WDR36: variants seen among roughly 807,000 people sequenced by gnomAD.
The protein encoded by WDR36 is WD repeat domain 36, also known as WD repeat-containing protein 36.
WDR36 carries 63 observed loss-of-function variants against 112.7 expected under a neutral mutation model. The observed-to-expected ratio is 0.56, with a 90% CI of 0.46 to 0.69. WDR36 has a LOEUF of 0.69. WDR36 is among the 30% of genes least tolerant of loss of function. The pLI, the probability that WDR36 is intolerant of heterozygous loss-of-function variation, is 0.00. For missense variants in WDR36, 1,226 were observed against 1,070.3 expected, an observed-to-expected ratio of 1.15 and a Z score of -2.03; for synonymous variants, 410 against 362.2, an observed-to-expected ratio of 1.13 and a Z score of -1.50.
chr5:111,123,996 A>G, intron 20 of WDR36, 72 bp downstream of exon 20: 1 of 1,608,036 alleles, frequency 6.2e-7, no homozygotes, highest in Non-Finnish European at 8.5e-7. Flanking sequence ...TTCTTTACCA[A>G]GACCTAGTTT....
intron 4 of WDR36, among the ~76,000 whole-genome samples, chr5:111,099,460 T>TG (rs1561701839): frequency 2.8e-5 from 2 of 71,044 alleles, no homozygotes; most frequent in African/African-American, 1.2e-4. Context: ...TGTTTTTTTT[T>TG]TTGTTTTTTT....
rs2112596348 is a variant in WDR36, at chr5:111,128,289, T to G, written c.*1406T>G. ...AAAGAAGCAGTCCTCAAAAGGCATTTACCAGTGATATCTTTTAATATTCAT... is the reference window on the plus strand; with the variant it reads ...AAAGAAGCAGTCCTCAAAAGGCATTGACCAGTGATATCTTTTAATATTCAT... On this transcript the variant is annotated 3_prime_UTR_variant, in exon 23 of 23. Transcript: ENST00000513710. 1 of 187,050 alleles carries G rather than the reference T, an allele frequency of 5.3e-6. No individual in the cohort carries two copies. Among genetic ancestry groups the G allele is most frequent in the East Asian group, 8.5e-5 (1 of 11,788 alleles). 11.6% of individuals were successfully genotyped at this position (187,050 alleles called of 1,614,324 possible).
rs184163934 is a variant in WDR36 at position 111,113,358 on chromosome 5, A to G, written c.1796+205A>G. Among the ~76,000 whole-genome samples, 1,216 of 152,226 alleles carry G rather than the reference A, an allele frequency of 8.0e-3. 14 individuals are homozygous for G. Among genetic ancestry groups the G allele is most frequent in the Non-Finnish European group, 0.014 (972 of 67,990 alleles). On this transcript the variant is annotated intron_variant, in intron 16 of 22. Transcript: ENST00000513710. ...TAGTGTCATGAAACATAATAGAAAA[A>G]TGAAATCTCTCTTAGGTTTTCTCAT...
chr5:111,124,453 T>C (rs1253796743), intron 21 of WDR36, among the ~76,000 whole-genome samples: 1 of 152,162 alleles, frequency 6.6e-6, no homozygotes, highest in Non-Finnish European at 1.5e-5. Flanking sequence ...GACACAGTTA[T>C]TGACTATATT....
At chr5:111,124,287 G>T in intron 21 of WDR36, 98 bp downstream of exon 21, 1 of 1,033,838 alleles carries the variant, frequency 9.7e-7, no homozygotes, top group Non-Finnish European at 1.4e-6. Context: ...CAGTAGTTAA[G>T]ATAGTAAAAA....
chr5:111,111,341 T>A lies in WDR36; in HGVS notation c.1716+63T>A, dbSNP rs750623550. ...CTACTTTTGTTTGGGTGTGTTATCC[T>A]TTAATAGCCTTAAAATCATTATATG... On this transcript the variant is annotated intron_variant, in intron 15 of 22. Transcript: ENST00000513710. The A allele has an allele frequency of 5.5e-6, 7 of 1,263,502 alleles. 1 individual carries two copies. Among genetic ancestry groups the A allele is most frequent in the Middle Eastern group, 1.9e-4 (1 of 5,336 alleles). The allele number at this position is 1,263,502 out of a possible 1,614,324, so 78.3% of individuals were successfully genotyped here. A position where few individuals can be genotyped will look rare whatever the true frequency, so the allele number is the denominator to read the frequency against.
chr5:111,103,694 C>A, intron 6 of WDR36, 92 bp from the exon 7 acceptor site: 3 of 1,504,836 alleles, frequency 2.0e-6, no homozygotes, highest in Non-Finnish European at 2.7e-6. Flanking sequence ...TTCATTATTT[C>A]TTTTGATAAC....
At position 111,116,732 on chromosome 5, in the gene WDR36, C is replaced by A. The variant is rs375378642; in HGVS notation, c.1797-2281C>A. Among the ~76,000 whole-genome samples, 9 of 152,228 alleles carry A rather than the reference C, an allele frequency of 5.9e-5. No individual in the cohort carries two copies. The South Asian group carries it at 1.7e-3, about 28-fold the overall frequency. On this transcript the variant is annotated intron_variant, in intron 16 of 22. Transcript: ENST00000513710. ...GAATATGCTGTGTATGTGGAAACCA[C>A]CTTCCTCAATTTGGTGGTTTTATAT...
intron 11 of WDR36, among the ~76,000 whole-genome samples, chr5:111,106,750 G>C (rs957020184): frequency 6.6e-6 from 1 of 151,350 alleles, no homozygotes; most frequent in African/African-American, 2.4e-5. Flanking sequence ...AACACCTTTA[G>C]AGTGGAATCT....
At position 111,092,732 on chromosome 5, in the gene WDR36, C is replaced by T. The variant is rs902856833; in HGVS notation, c.162+114C>T. Reference sequence around the variant, plus strand: ...TTTACCACGGGCTTCCCTTCTTTAACCCCTCCCTGTCCTATTAATATTTCG... The same window carrying T: ...TTTACCACGGGCTTCCCTTCTTTAATCCCTCCCTGTCCTATTAATATTTCG... On this transcript the variant is annotated intron_variant, in intron 1 of 22. Transcript: ENST00000513710. 3 of 1,234,564 alleles carry T rather than the reference C, an allele frequency of 2.4e-6. No homozygotes were observed. The Admixed American group carries it at 5.9e-5, about 24-fold the overall frequency. 76.5% of individuals were successfully genotyped at this position (1,234,564 alleles called of 1,614,324 possible).
Position 111,113,151 on chromosome 5 carries a change from G to A in WDR36, c.1794G>A (p.Gly598=). 1 of 1,580,246 alleles carries A rather than the reference G, an allele frequency of 6.3e-7. No individual in the cohort carries two copies. The highest frequency in any genetic ancestry group is 8.6e-7 in the Non-Finnish European group (1 of 1,156,400). ...CSIRTWDLPS[G]CLIDCFLLDS... is the part of the protein sequence containing the mutation. ...TTAGGACTTGGGACCTTCCTTCTGG[G>A]TGGTAAGTTTATATTTCTAATTCCC... The change falls in exon 16 of 23, where the codon GGG becomes GGA. Residue 598 remains glycine (G), a splice_region_variant and synonymous_variant. Transcript: ENST00000513710.
rs115580954 is a variant in WDR36 at position 111,095,467 on chromosome 5, C to T, written c.190+520C>T. Among the ~76,000 whole-genome samples the T allele has an allele frequency of 2.0e-3, 308 of 152,214 alleles. 2 individuals carry two copies. Among genetic ancestry groups the T allele is most frequent in the Non-Finnish European group, 3.0e-3 (204 of 67,996 alleles). ...ATCTTAGTACTCTTCAAAGTTATTACCTGCTGCTTTTATATTTTATGATGA... is the reference window on the plus strand; with the variant it reads ...ATCTTAGTACTCTTCAAAGTTATTATCTGCTGCTTTTATATTTTATGATGA... On this transcript the variant is annotated intron_variant, in intron 2 of 22. Coordinates refer to ENST00000513710, the MANE Select transcript of WDR36 (RefSeq NM_139281.3).
At chr5:111,111,093 T>A in intron 14 of WDR36, 77 bp from the exon 15 acceptor site, 1 of 1,563,178 alleles carries the variant, frequency 6.4e-7, no homozygotes, top group Non-Finnish European at 8.8e-7. Flanking sequence ...GTACTTGATT[T>A]AACAAAATTC....
In WDR36 at chr5:111,123,938, T is replaced by A; in HGVS notation, c.2268+14T>A. On this transcript the variant is annotated intron_variant, in intron 20 of 22. Coordinates refer to ENST00000513710, the MANE Select transcript of WDR36 (RefSeq NM_139281.3). ...GATCCCCAGCAGGTAAAAAACAAAT[T>A]AGAAGATTCTAAGTATATCGGTGTA... is the stretch of plus-strand genomic sequence containing the variant. 1 of 1,613,186 alleles carries A rather than the reference T, an allele frequency of 6.2e-7. No individual in the cohort carries two copies. Among genetic ancestry groups the A allele is most frequent in the Non-Finnish European group, 8.5e-7 (1 of 1,179,824 alleles).
In WDR36 at chr5:111,092,491, C is replaced by A. The variant is rs1189465698; in HGVS notation, c.35C>A (p.Ala12Glu). ...ERASERRTAS[A>E]LFAGFRALGL... ...GCCTCAGAAAGGCGCACGGCCAGCG[C>A]GCTTTTTGCGGGGTTCCGGGCCTTG... The change falls in exon 1 of 23, where the codon GCG becomes GAG. Residue 12 changes from alanine (A) to glutamate (E), a missense_variant. By Grantham distance (107) the Ala-to-Glu change is moderately radical. Coordinates refer to ENST00000513710, the MANE Select transcript of WDR36 (RefSeq NM_139281.3). 6.2e-7 allele frequency: 1 copy of A among 1,614,234 alleles called. No individual in the cohort carries two copies. Among genetic ancestry groups the A allele is most frequent in the African/African-American group, 1.3e-5 (1 of 75,072 alleles).
At chr5:111,120,086 GAGA>G (rs78632394) in intron 17 of WDR36, among the ~76,000 whole-genome samples, 9,823 of 152,134 alleles carry the variant, frequency 0.065, 365 homozygotes, top group East Asian at 0.18. Flanking sequence ...GGCCATTCTA[GAGA>G]AGGGGAATCT....
Position 111,111,284 on chromosome 5 carries a change from ACAAACT to A in WDR36, c.1716+8_1716+13del, listed in dbSNP as rs1294288607. 1.9e-6 allele frequency: 3 copies of A among 1,602,220 alleles called. No individual in the cohort carries two copies. In the African/African-American group the frequency reaches 4.0e-5, roughly 21 times the overall value. On this transcript the variant is annotated splice_region_variant and intron_variant, in intron 15 of 22. Coordinates refer to ENST00000513710, the MANE Select transcript of WDR36 (RefSeq NM_139281.3). ...AAGGCCAAATAAATGACATGGTAAA[ACAAACT>A]CTAACTAATAAAACTTGACTCATTT...
intron 10 of WDR36, among the ~76,000 whole-genome samples, 155 bp from the exon 11 acceptor site, chr5:111,105,899 TAAA>T (rs1017577421): frequency 3.9e-4 from 59 of 151,554 alleles, no homozygotes; most frequent in Admixed American, 2.8e-3. Flanking sequence ...TTCTTAGAAT[TAAA>T]AAATAACAGT....
At chr5:111,100,509 A>T (rs2112568377) in intron 4 of WDR36, 80 bp from the exon 5 acceptor site, 1 of 970,872 alleles carries the variant, frequency 1.0e-6, no homozygotes, top group Non-Finnish European at 1.5e-6. Flanking sequence ...TGATAGACTT[A>T]CTTTAAGTGA....
Sources: allele counts gnomAD v4.1 joint callset (sites outside exome capture counted in the v4.1 genomes callset), GRCh38; gene constraint gnomAD v4.1.1; transcripts MANE v1.5; gene names NCBI Gene and HGNC (gene_info 2026-07-23, HGNC 2026-07-21).